The following LATS2 variants were observed in gnomAD, a reference collection of about 807,000 sequenced individuals.
The protein encoded by LATS2 is large tumor suppressor kinase 2.
Under a neutral mutation model 76.0 loss-of-function variants are expected in LATS2, and 24 were observed. The ratio of observed to expected loss-of-function variants is 0.32; its 90% CI spans 0.23 to 0.44. LATS2 has a LOEUF of 0.44. Ranked by LOEUF, LATS2 falls within the 20% of genes least tolerant of loss-of-function variation. The pLI is 1.00. For synonymous variants in LATS2, 692 were observed against 635.4 expected (o/e 1.09, Z -1.34); for missense variants, 1,286 against 1,481.2 (o/e 0.87, Z 2.16).
At chr13:21,029,669 T>C (rs982402962) in intron 2 of LATS2, among the ~76,000 whole-genome samples, 1 of 151,912 alleles carries the variant, frequency 6.6e-6, no homozygotes, top group Non-Finnish European at 1.5e-5. Flanking sequence ...TGCACACCTG[T>C]AGTCCCAGCT....
chr13:21,042,138 G>C (rs559458842), intron 2 of LATS2, among the ~76,000 whole-genome samples: 1 of 151,950 alleles, frequency 6.6e-6, no homozygotes, highest in Admixed American at 6.6e-5. Context: ...TAATCTAGTG[G>C]CCTAGTTTTT....
intron 2 of LATS2, among the ~76,000 whole-genome samples, chr13:21,041,894 CCCCACCTA>C (rs1872892751): frequency 6.6e-6 from 1 of 152,056 alleles, no homozygotes; most frequent in Admixed American, 6.6e-5. Flanking sequence ...CTGACGACAC[CCCCACCTA>C]CCCACACCAT....
At chr13:20,989,856 CAAT>C (rs1252022341) in intron 3 of LATS2, among the ~76,000 whole-genome samples, 1 of 151,556 alleles carries the variant, frequency 6.6e-6, no homozygotes, top group Non-Finnish European at 1.5e-5. Context: ...AATATATACA[CAAT>C]AATAAAAACC....
intron 1 of LATS2, among the ~76,000 whole-genome samples, chr13:21,047,926 AAG>A (rs983980664): frequency 1.3e-3 from 197 of 152,282 alleles, no homozygotes; most frequent in Non-Finnish European, 5.7e-4. Flanking sequence ...TTTAGAAGAT[AAG>A]AGAGAGACTA....
intron 1 of LATS2, among the ~76,000 whole-genome samples, chr13:21,059,821 C>A (rs866239153): frequency 2.0e-5 from 3 of 151,810 alleles, no homozygotes; most frequent in Admixed American, 6.6e-5. Flanking sequence ...ACAAAATTAG[C>A]TGGGCTGGTG....
intron 2 of LATS2, among the ~76,000 whole-genome samples, chr13:21,025,968 GC>G (rs1188145656): frequency 6.6e-6 from 1 of 152,080 alleles, no homozygotes; most frequent in East Asian, 1.9e-4. Context: ...CCTTGATTTT[GC>G]CTGATGTTTT....
At chr13:21,025,217 TAAAA>T (rs11357046) in intron 2 of LATS2, among the ~76,000 whole-genome samples, 2 of 134,928 alleles carry the variant, frequency 1.5e-5, no homozygotes, top group African/African-American at 2.8e-5. Flanking sequence ...CCGTCTCTAC[TAAAA>T]AAAAAAAAAA....
At chr13:20,993,491 G>C (rs1046046763) in intron 2 of LATS2, among the ~76,000 whole-genome samples, 2 of 152,172 alleles carry the variant, frequency 1.3e-5, no homozygotes, top group Non-Finnish European at 2.9e-5. Flanking sequence ...GCAGGGACAG[G>C]CAAGGGGCTG....
intron 2 of LATS2, among the ~76,000 whole-genome samples, chr13:21,026,645 C>T (rs529746003): frequency 1.5e-4 from 23 of 152,230 alleles, no homozygotes; most frequent in African/African-American, 5.3e-4. Flanking sequence ...CTGAGACATA[C>T]GGTAGGTATG....
At chr13:21,024,465 TAA>T (rs1438979303) in intron 2 of LATS2, among the ~76,000 whole-genome samples, 2 of 152,112 alleles carry the variant, frequency 1.3e-5, no homozygotes, top group African/African-American at 4.8e-5. Flanking sequence ...ATAAATAATA[TAA>T]AAGTTAACCC....
intron 1 of LATS2, among the ~76,000 whole-genome samples, 151 bp downstream of exon 1, chr13:21,061,195 C>G (rs1873633889): frequency 6.6e-6 from 1 of 151,708 alleles, no homozygotes; most frequent in Non-Finnish European, 1.5e-5. Context: ...AGGGCTCCGT[C>G]CGGACAAACT....
rs562783174 is a variant in LATS2, at chr13:20,999,909, A to C, written c.343-8505T>G. On this transcript the variant is annotated intron_variant, in intron 2 of 7. Transcript: ENST00000382592. ...CAGGCGTGGTGGCACACACCTATAT[A>C]GTCCCAGCTACTAGGGAGGCTGAGG... is the stretch of plus-strand genomic sequence containing the variant. Among the ~76,000 whole-genome samples the C allele has an allele frequency of 3.3e-5, 5 of 151,830 alleles. No homozygotes were observed. The South Asian group carries it at 1.0e-3, about 32-fold the overall frequency.
At chr13:20,987,412 T>A (rs967381625) in intron 4 of LATS2, among the ~76,000 whole-genome samples, 5 of 152,320 alleles carry the variant, frequency 3.3e-5, no homozygotes, top group Non-Finnish European at 4.4e-5. Flanking sequence ...CTAAGGTATA[T>A]TTAAATCATT....
At chr13:21,001,140 T>G (rs768622025) in intron 2 of LATS2, among the ~76,000 whole-genome samples, 1 of 152,214 alleles carries the variant, frequency 6.6e-6, no homozygotes, top group Non-Finnish European at 1.5e-5. Context: ...ATCCCAAAGT[T>G]CCTTTTATCT....
chr13:20,974,423 C>CT lies in LATS2; in HGVS notation c.*446dup, dbSNP rs199516698. On this transcript the variant is annotated 3_prime_UTR_variant, in exon 8 of 8. Coordinates refer to ENST00000382592, the MANE Select transcript of LATS2 (RefSeq NM_014572.3). ...TCCGTGACATTGAGCAGAGTGTTAT[C>CT]TTTTTTTTTTTTTACATTATTGCAC... The CT allele has an allele frequency of 0.15, 30,468 of 203,790 alleles. 2,860 individuals are homozygous for CT. The highest frequency in any genetic ancestry group is 0.41 in the East Asian group (5,649 of 13,700). 12.6% of individuals were successfully genotyped at this position (203,790 alleles called of 1,614,324 possible).
intron 2 of LATS2, among the ~76,000 whole-genome samples, chr13:21,030,574 AGT>A (rs1441394151): frequency 9.9e-5 from 14 of 141,182 alleles, no homozygotes; most frequent in African/African-American, 3.5e-4. Flanking sequence ...GGGCGACAAG[AGT>A]GAGAGACTCC....
chr13:21,061,453 G>A lies in LATS2; in HGVS notation c.-312C>T, dbSNP rs1873646707. On this transcript the variant is annotated 5_prime_UTR_variant, in exon 1 of 8. Transcript: ENST00000382592. The stretch of plus-strand genomic sequence containing the variant: ...GGCTGGAGCTGCTGCTGGCCCCGCA[G>A]GGACGGGGGAGCCCCGGGCGGCGGC... The A allele has an allele frequency of 6.5e-6, 1 of 153,440 alleles. No individual in the cohort carries two copies. The highest frequency in any genetic ancestry group is 6.5e-5 in the Admixed American group (1 of 15,270). 9.5% of individuals were successfully genotyped at this position (153,440 alleles called of 1,614,324 possible).
intron 2 of LATS2, among the ~76,000 whole-genome samples, chr13:21,039,092 A>G (rs1182453952): frequency 6.6e-6 from 1 of 152,196 alleles, no homozygotes. Context: ...TACATTAAAA[A>G]GGTATGTGGT....
At chr13:21,056,355 A>G (rs1416177751) in intron 1 of LATS2, among the ~76,000 whole-genome samples, 1 of 151,972 alleles carries the variant, frequency 6.6e-6, no homozygotes, top group Non-Finnish European at 1.5e-5. Flanking sequence ...TCACTTCTAC[A>G]TAAGCTTACA....
Sources: allele counts gnomAD v4.1 joint callset (sites outside exome capture counted in the v4.1 genomes callset), GRCh38; gene constraint gnomAD v4.1.1; transcripts MANE v1.5; gene names NCBI Gene and HGNC (gene_info 2026-07-23, HGNC 2026-07-21).